SLC5A10: variants seen among roughly 807,000 people sequenced by gnomAD.
SLC5A10 encodes sodium/mannose cotransporter SLC5A10.
In SLC5A10, 55 loss-of-function variants were observed where a neutral mutation model predicts 68.9. That is an observed-to-expected ratio of 0.80 (90% CI 0.64 to 1.00). The LOEUF (loss-of-function observed/expected upper bound fraction) is 1.00, where lower values mean the gene tolerates loss of function less well. Ranked by LOEUF, SLC5A10 falls within the 50% of genes least tolerant of loss-of-function variation. The pLI, the probability that SLC5A10 is intolerant of heterozygous loss-of-function variation, is 0.00. For missense variants in SLC5A10, 732 were observed against 819.3 expected (o/e 0.89, Z 1.30); for synonymous variants, 344 against 344.8 (o/e 1.00, Z 0.02).
chr17:18,958,841 G>A, intron 2 of SLC5A10, 88 bp downstream of exon 2: 1 of 1,494,414 alleles, frequency 6.7e-7, no homozygotes, highest in Non-Finnish European at 9.3e-7. Context: ...GTATCTTTGA[G>A]CCAGTCCAAT....
chr17:19,012,811 G>T (rs932695132), intron 9 of SLC5A10, among the ~76,000 whole-genome samples: 1 of 152,216 alleles, frequency 6.6e-6, no homozygotes, highest in Non-Finnish European at 1.5e-5. Context: ...TTGGAGACAG[G>T]GGTGTGGATG....
At chr17:18,952,064 T>C (rs1008682043), upstream of SLC5A10, 3 of 1,365,626 alleles carry the variant, frequency 2.2e-6, no homozygotes, top group African/African-American at 1.4e-5. Flanking sequence ...GCAGCTGCCC[T>C]GCATGCAGCC....
chr17:18,955,793 G>A (rs1156690033), intron 1 of SLC5A10, among the ~76,000 whole-genome samples: 3 of 152,246 alleles, frequency 2.0e-5, no homozygotes, highest in East Asian at 1.9e-4. Context: ...ACTGGGTGTG[G>A]TGGTGTCCAC....
At chr17:18,957,782 T>C (rs1189534472) in intron 1 of SLC5A10, among the ~76,000 whole-genome samples, 1 of 152,118 alleles carries the variant, frequency 6.6e-6, no homozygotes, top group Non-Finnish European at 1.5e-5. Context: ...CATTTTAAAG[T>C]GTGCAATTCA....
intron 9 of SLC5A10, among the ~76,000 whole-genome samples, chr17:19,009,918 AGGGAAGGGCAGAAGGT>A (rs2043978979): frequency 1.3e-5 from 2 of 152,144 alleles, no homozygotes; most frequent in African/African-American, 4.8e-5. Context: ...GGATAAATCC[AGGGAAGGGCAGAAGGT>A]GGGAAGGGTG....
intron 5 of SLC5A10, among the ~76,000 whole-genome samples, chr17:18,967,957 G>A (rs913186834): frequency 6.6e-6 from 1 of 151,914 alleles, no homozygotes; most frequent in Non-Finnish European, 1.5e-5. Flanking sequence ...CCAGAGCCGG[G>A]GTTCTCCTGA....
At chr17:18,952,016 C>T (rs2151986664), upstream of SLC5A10, 2 of 911,798 alleles carry the variant, frequency 2.2e-6, no homozygotes. Context: ...GGGATCTGCA[C>T]CCCACCATGG....
Position 19,017,699 on chromosome 17 carries a change from A to C in SLC5A10, c.1242-1724A>C. 1 of 331,342 alleles carries C rather than the reference A, an allele frequency of 3.0e-6. No individual in the cohort carries two copies. The highest frequency in any genetic ancestry group is 6.8e-5 in the East Asian group (1 of 14,716). The allele number at this position is 331,342 out of a possible 1,614,324, so 20.5% of individuals were successfully genotyped here. A position where few individuals can be genotyped will look rare whatever the true frequency, so the allele number is the denominator to read the frequency against. On this transcript the variant is annotated intron_variant, in intron 11 of 14. Coordinates refer to ENST00000395645, the MANE Select transcript of SLC5A10 (RefSeq NM_001042450.4). This position sits in a 1 kb window ranked among gnomAD's most constrained non-coding sequence, Gnocchi z 5.6. ...GTGTTCCCGGCTGTTCAGTCCGTAA[A>C]TGGGGCCCACAGCCTCCTGGAAACC...
intron 9 of SLC5A10, among the ~76,000 whole-genome samples, chr17:19,008,844 G>T (rs554630115): frequency 7.0e-6 from 1 of 143,740 alleles, no homozygotes; most frequent in African/African-American, 2.6e-5. Context: ...ATAGCGTCTT[G>T]CTGTGTCTCC....
At chr17:18,974,555 G>A (rs112522623) in intron 8 of SLC5A10, among the ~76,000 whole-genome samples, 4,276 of 152,244 alleles carry the variant, frequency 0.028, 198 homozygotes, top group African/African-American at 0.097. Flanking sequence ...GCTCCAGGCC[G>A]GGTGCCCTCC....
At chr17:18,984,319 C>G (rs1567795537) in intron 9 of SLC5A10, among the ~76,000 whole-genome samples, 1 of 124,494 alleles carries the variant, frequency 8.0e-6, no homozygotes, top group Non-Finnish European at 1.6e-5. Context: ...GGCGACAGAG[C>G]AAGACTCCCT....
At chr17:18,967,958 G>A (rs950075709) in intron 5 of SLC5A10, among the ~76,000 whole-genome samples, 2 of 151,962 alleles carry the variant, frequency 1.3e-5, no homozygotes, top group Admixed American at 1.3e-4. Context: ...CAGAGCCGGG[G>A]TTCTCCTGAA....
chr17:18,961,969 A>T (rs1221108882), intron 5 of SLC5A10, among the ~76,000 whole-genome samples: 3 of 152,096 alleles, frequency 2.0e-5, no homozygotes, highest in Non-Finnish European at 2.9e-5. Context: ...GTACTGTAGG[A>T]GGTTTGCTTT....
intron 9 of SLC5A10, among the ~76,000 whole-genome samples, chr17:19,011,954 G>A (rs2044023973): frequency 6.6e-6 from 1 of 152,028 alleles, no homozygotes; most frequent in South Asian, 2.1e-4. Flanking sequence ...GGAGCACCAA[G>A]TCACAGAAGT....
chr17:18,991,365 G>T (rs568597644), intron 9 of SLC5A10, among the ~76,000 whole-genome samples: 1 of 152,372 alleles, frequency 6.6e-6, no homozygotes, highest in South Asian at 2.1e-4. Context: ...AAATGGGGGT[G>T]TGGGCCTGGC....
chr17:19,002,182 T>C (rs935273551), intron 9 of SLC5A10, among the ~76,000 whole-genome samples: 1 of 152,194 alleles, frequency 6.6e-6, no homozygotes, highest in African/African-American at 2.4e-5. Context: ...ATCTTCACAA[T>C]AGCCAAAGAT....
chr17:18,952,737 G>GCA (rs2042396894), intron 1 of SLC5A10, among the ~76,000 whole-genome samples: 1 of 149,524 alleles, frequency 6.7e-6, no homozygotes, highest in East Asian at 2.1e-4. Flanking sequence ...AGGGCCCTGG[G>GCA]AACTGGGGGT....
intron 9 of SLC5A10, chr17:18,988,381 C>A: frequency 6.2e-7 from 1 of 1,614,190 alleles, no homozygotes; most frequent in Middle Eastern, 1.6e-4. Flanking sequence ...AAGATGTCCA[C>A]GTCGGTGAAC....
chr17:18,991,478 A>C (rs2043423326), intron 9 of SLC5A10, among the ~76,000 whole-genome samples: 1 of 152,216 alleles, frequency 6.6e-6, no homozygotes. Context: ...GTCCTCTCAG[A>C]GGTCCTGGGC....
Sources: gnomAD v4.1 joint callset for allele counts (sites outside exome capture counted in the v4.1 genomes callset) on GRCh38, gnomAD v4.1.1 for gene constraint, Gnocchi (gnomAD v3.1) non-coding constraint, MANE v1.5 for transcripts, NCBI Gene and HGNC (gene_info 2026-07-23, HGNC 2026-07-21) for gene names.